SAMD12: variants seen among roughly 807,000 people sequenced by gnomAD.
SAMD12 encodes sterile alpha motif domain-containing protein 12.
Under a neutral mutation model 15.0 loss-of-function variants are expected in SAMD12, and 9 were observed. The ratio of observed to expected loss-of-function variants is 0.60; its 90% CI spans 0.36 to 1.05. The LOEUF is 1.05. Among genes scored for constraint, SAMD12 ranks in the 50% least tolerant of loss-of-function variants. The probability of loss-of-function intolerance (pLI) is 0.01; values close to 1 mark genes in which losing one functional copy is unlikely to be tolerated. For missense variants in SAMD12, 230 were observed against 234.2 expected, an observed-to-expected ratio of 0.98 and a Z score of 0.12; for synonymous variants, 86 against 90.1, an observed-to-expected ratio of 0.96 and a Z score of 0.25.
chr8:118,402,305 A>G (rs913401554), intron 3 of SAMD12, among the ~76,000 whole-genome samples: 1 of 152,244 alleles, frequency 6.6e-6, no homozygotes, highest in Non-Finnish European at 1.5e-5. Flanking sequence ...AGGTTTTGAT[A>G]AAGTACAGAA....
At chr8:118,560,105 T>G (rs1826662522) in intron 2 of SAMD12, among the ~76,000 whole-genome samples, 1 of 152,194 alleles carries the variant, frequency 6.6e-6, no homozygotes, top group Non-Finnish European at 1.5e-5. Context: ...GAACGGGCCT[T>G]GCCAATGGAG....
chr8:118,271,894 C>A (rs1371039815), intron 4 of SAMD12, among the ~76,000 whole-genome samples: 2 of 152,224 alleles, frequency 1.3e-5, no homozygotes, highest in African/African-American at 4.8e-5. Flanking sequence ...CACTTCCTGG[C>A]TGCTTTCATG....
intron 2 of SAMD12, among the ~76,000 whole-genome samples, chr8:118,576,427 T>C (rs1048607537): frequency 4.6e-5 from 7 of 152,146 alleles, no homozygotes; most frequent in Non-Finnish European, 7.4e-5. Context: ...CCACACAAAC[T>C]CTTACTTGAA....
intron 2 of SAMD12, among the ~76,000 whole-genome samples, chr8:118,538,428 C>G (rs1825906372): frequency 6.6e-6 from 1 of 152,216 alleles, no homozygotes; most frequent in South Asian, 2.1e-4. Flanking sequence ...AGAACTCAGG[C>G]TCTGACCATT....
At chr8:118,307,078 TAATA>T (rs1369482159) in intron 4 of SAMD12, among the ~76,000 whole-genome samples, 1 of 152,148 alleles carries the variant, frequency 6.6e-6, no homozygotes, top group Non-Finnish European at 1.5e-5. Flanking sequence ...CCTTGGGTAT[TAATA>T]AAGTCAGTAA....
intron 4 of SAMD12, among the ~76,000 whole-genome samples, chr8:118,363,305 T>C (rs1818595564): frequency 6.6e-6 from 1 of 152,136 alleles, no homozygotes; most frequent in South Asian, 2.1e-4. Flanking sequence ...TGAGGGTGTT[T>C]ATGGATGAGA....
At chr8:118,218,354 T>A (rs914042420) in intron 4 of SAMD12, among the ~76,000 whole-genome samples, 2 of 152,216 alleles carry the variant, frequency 1.3e-5, no homozygotes, top group African/African-American at 4.8e-5. Flanking sequence ...CTAATTAACA[T>A]ATCCATCACC....
intron 4 of SAMD12, among the ~76,000 whole-genome samples, chr8:118,367,515 A>G (rs530957480): frequency 2.6e-5 from 4 of 152,230 alleles, no homozygotes; most frequent in Non-Finnish European, 5.9e-5. Context: ...GTCAAGCCAC[A>G]AGGTCAAGGT....
intron 4 of SAMD12, among the ~76,000 whole-genome samples, chr8:118,247,173 C>A (rs1369938178): frequency 6.6e-6 from 1 of 152,038 alleles, no homozygotes; most frequent in African/African-American, 2.4e-5. Context: ...ATAAATATTG[C>A]ATGATCTCAC....
intron 4 of SAMD12, among the ~76,000 whole-genome samples, chr8:118,281,620 T>A (rs1000073217): frequency 2.0e-5 from 3 of 152,224 alleles, no homozygotes; most frequent in African/African-American, 7.2e-5. Context: ...AGTTTTCCCT[T>A]TAAATTGCAT....
chr8:118,565,018 G>A (rs939354307), intron 2 of SAMD12, among the ~76,000 whole-genome samples: 2 of 152,200 alleles, frequency 1.3e-5, no homozygotes, highest in African/African-American at 4.8e-5. Flanking sequence ...AGAACTAGTC[G>A]TTCTGGGAGA....
chr8:118,466,532 A>G (rs1823599250), intron 2 of SAMD12, among the ~76,000 whole-genome samples: 1 of 152,236 alleles, frequency 6.6e-6, no homozygotes, highest in Admixed American at 6.5e-5. Flanking sequence ...TAGGCATACC[A>G]TAAATAACAC....
intron 1 of SAMD12, among the ~76,000 whole-genome samples, chr8:118,602,304 T>A (rs1288621969): frequency 6.6e-6 from 1 of 152,222 alleles, no homozygotes; most frequent in Non-Finnish European, 1.5e-5. Context: ...CTACTTCCTA[T>A]CATATATGAT....
intron 1 of SAMD12, among the ~76,000 whole-genome samples, chr8:118,590,340 T>C (rs1607925): frequency 0.11 from 16,231 of 152,258 alleles, 1,072 homozygotes; most frequent in African/African-American, 0.18. Context: ...GAGAATGCCA[T>C]AGAAGGCCAA....
chr8:118,259,736 C>A (rs1264332580), intron 4 of SAMD12, among the ~76,000 whole-genome samples: 1 of 152,002 alleles, frequency 6.6e-6, no homozygotes, highest in Non-Finnish European at 1.5e-5. Flanking sequence ...ACTAGGAGAG[C>A]TGAGAAACAG....
chr8:118,588,109 G>A (rs190872819), intron 1 of SAMD12, among the ~76,000 whole-genome samples: 53 of 152,300 alleles, frequency 3.5e-4, no homozygotes, highest in African/African-American at 1.2e-3. Context: ...AAGACCTGAG[G>A]ATGAAACTTT....
chr8:118,302,664 T>C (rs1180106205), intron 4 of SAMD12, among the ~76,000 whole-genome samples: 1 of 152,236 alleles, frequency 6.6e-6, no homozygotes, highest in Non-Finnish European at 1.5e-5. Context: ...GGAACTCTGT[T>C]GATCTTGAAA....
chr8:118,425,658 A>G (rs960674418), intron 3 of SAMD12, among the ~76,000 whole-genome samples: 17 of 152,212 alleles, frequency 1.1e-4, no homozygotes, highest in African/African-American at 3.9e-4. Context: ...CAGATGTCTG[A>G]TCATATTTGA....
At chr8:118,410,634 A>G (rs1435829133) in intron 3 of SAMD12, among the ~76,000 whole-genome samples, 1 of 152,192 alleles carries the variant, frequency 6.6e-6, no homozygotes, top group Non-Finnish European at 1.5e-5. Context: ...GTGCAGGTAA[A>G]TGTTTCTGGC....
Sources: gnomAD v4.1 joint callset for allele counts (sites outside exome capture counted in the v4.1 genomes callset) on GRCh38, gnomAD v4.1.1 for gene constraint, MANE v1.5 for transcripts, NCBI Gene and HGNC (gene_info 2026-07-23, HGNC 2026-07-21) for gene names.